Variants in BBS9 observed in about 807,000 individuals in gnomAD.
BBS9 encodes the protein Bardet-Biedl syndrome 9.
Under a neutral mutation model 117.7 loss-of-function variants are expected in BBS9, and 89 were observed. That is an observed-to-expected ratio of 0.76 (90% confidence interval 0.64 to 0.90). BBS9 has a LOEUF of 0.90. BBS9 is among the 40% of genes least tolerant of loss of function. The probability of loss-of-function intolerance (pLI) is 0.00; values close to 1 mark genes in which losing one functional copy is unlikely to be tolerated. For missense variants in BBS9, 982 were observed against 1,042.2 expected, an observed-to-expected ratio of 0.94 and a Z score of 0.80; for synonymous variants, 379 against 370.9, an observed-to-expected ratio of 1.02 and a Z score of -0.25.
chr7:33,152,929 A>G, intron 3 of BBS9, 78 bp downstream of exon 3: 1 of 1,453,600 alleles, frequency 6.9e-7, no homozygotes, highest in Non-Finnish European at 9.6e-7. Flanking sequence ...GTATTCTTCA[A>G]AGAAGACTAT....
chr7:33,323,556 C>T (rs1184545383), intron 9 of BBS9, among the ~76,000 whole-genome samples: 1 of 151,800 alleles, frequency 6.6e-6, no homozygotes, highest in African/African-American at 2.4e-5. Flanking sequence ...AGTATAGCTA[C>T]TCTTTGTCTT....
At chr7:33,147,052 A>G (rs1194076811) in intron 2 of BBS9, among the ~76,000 whole-genome samples, 1 of 152,208 alleles carries the variant, frequency 6.6e-6, no homozygotes, top group Non-Finnish European at 1.5e-5. Context: ...AACCATTCAT[A>G]CCATAATGAA....
intron 10 of BBS9, among the ~76,000 whole-genome samples, chr7:33,340,369 A>G (rs1366242972): frequency 1.3e-5 from 2 of 152,160 alleles, no homozygotes; most frequent in Non-Finnish European, 2.9e-5. Context: ...CTTATTTATG[A>G]CTTTGGGACA....
At chr7:33,306,918 A>C (rs1305189874) in intron 9 of BBS9, among the ~76,000 whole-genome samples, 2 of 152,162 alleles carry the variant, frequency 1.3e-5, no homozygotes, top group African/African-American at 4.8e-5. Flanking sequence ...AAATAATTGA[A>C]GTAACACATT....
At chr7:33,390,720 C>T (rs532911804) in intron 19 of BBS9, 74 of 587,222 alleles carry the variant, frequency 1.3e-4, no homozygotes, top group Non-Finnish European at 1.5e-4. Flanking sequence ...TAACATTATA[C>T]GTAATGCTAA....
intron 5 of BBS9, among the ~76,000 whole-genome samples, chr7:33,248,744 T>TC (rs1795767205): frequency 2.0e-5 from 3 of 152,186 alleles, no homozygotes; most frequent in African/African-American, 4.8e-5. Context: ...AAATTTTTTT[T>TC]CCGTGCATGC....
chr7:33,153,943 A>G (rs1384783421), intron 3 of BBS9, among the ~76,000 whole-genome samples: 1 of 152,216 alleles, frequency 6.6e-6, no homozygotes, highest in Non-Finnish European at 1.5e-5. Context: ...CTTCCTGCTA[A>G]AAAGTGTTTT....
chr7:33,149,897 A>G (rs1793032178), intron 2 of BBS9, among the ~76,000 whole-genome samples: 1 of 152,224 alleles, frequency 6.6e-6, no homozygotes, highest in African/African-American at 2.4e-5. Flanking sequence ...AGATAGGGCT[A>G]TATTGACCTA....
chr7:33,356,724 C>T (rs912419293), intron 15 of BBS9, among the ~76,000 whole-genome samples: 1 of 151,810 alleles, frequency 6.6e-6, no homozygotes, highest in African/African-American at 2.4e-5. Flanking sequence ...GTAAGACATA[C>T]AATTCCAATT....
Position 33,485,308 on chromosome 7 carries a change from GT to G in BBS9, c.2116-20136del, listed in dbSNP as rs371550940. On this transcript the variant is annotated intron_variant, in intron 19 of 22. Transcript: ENST00000242067. ...ATGTACCCTGGAACTTAACATAAAAGTTTTTTTTTTTTTTTTTTTGAGATGG... is the reference window on the plus strand; with the variant it reads ...ATGTACCCTGGAACTTAACATAAAAGTTTTTTTTTTTTTTTTTTGAGATGG... Among the ~76,000 whole-genome samples, 412 of 127,142 alleles carry G rather than the reference GT, an allele frequency of 3.2e-3. 2 individuals carry two copies. Among genetic ancestry groups the G allele is most frequent in the African/African-American group, 8.1e-3 (282 of 34,868 alleles). 83.4% of individuals were successfully genotyped at this position (127,142 alleles called of 152,430 possible).
intron 9 of BBS9, among the ~76,000 whole-genome samples, chr7:33,317,135 G>C (rs6951724): frequency 0.13 from 19,005 of 151,918 alleles, 1,481 homozygotes; most frequent in African/African-American, 0.21. Flanking sequence ...GAATTACTTT[G>C]GCATCTTTGT....
At chr7:33,522,122 A>G (rs1248839772) in intron 20 of BBS9, among the ~76,000 whole-genome samples, 1 of 151,864 alleles carries the variant, frequency 6.6e-6, no homozygotes, top group Non-Finnish European at 1.5e-5. Context: ...TATATGTGCC[A>G]CATTTTCTTA....
chr7:33,194,608 A>G (rs1021815777), intron 5 of BBS9, among the ~76,000 whole-genome samples: 1 of 152,192 alleles, frequency 6.6e-6, no homozygotes, highest in South Asian at 2.1e-4. Flanking sequence ...AGTTGTTTGA[A>G]TAATTCTGGT....
intron 21 of BBS9, among the ~76,000 whole-genome samples, chr7:33,590,467 T>TTTTTGTTTTTTTTTG (rs1554551756): frequency 0.12 from 9,221 of 78,920 alleles, 570 homozygotes; most frequent in African/African-American, 0.4. Context: ...TTGTTTTTTT[T>TTTTTGTTTTTTTTTG]TTTTTTTTTT....
At chr7:33,476,937 A>G (rs1841885773) in intron 19 of BBS9, among the ~76,000 whole-genome samples, 1 of 152,182 alleles carries the variant, frequency 6.6e-6, no homozygotes, top group South Asian at 2.1e-4. Flanking sequence ...TGATTCCTAT[A>G]AACATAAAAA....
chr7:33,210,714 T>A (rs1243631605), intron 5 of BBS9, among the ~76,000 whole-genome samples: 1 of 152,176 alleles, frequency 6.6e-6, no homozygotes. Flanking sequence ...ATTTTTTGTA[T>A]TTTTAGTAGA....
intron 19 of BBS9, among the ~76,000 whole-genome samples, chr7:33,402,962 T>C (rs1829182355): frequency 1.3e-5 from 2 of 152,100 alleles, no homozygotes; most frequent in Admixed American, 6.6e-5. Flanking sequence ...GGTTTTCTGT[T>C]TGTGTGAGTT....
At chr7:33,429,271 T>G (rs893145405) in intron 19 of BBS9, among the ~76,000 whole-genome samples, 1 of 152,240 alleles carries the variant, frequency 6.6e-6, no homozygotes, top group African/African-American at 2.4e-5. Context: ...TTGCGTAGCT[T>G]TTGCCTTGAA....
At chr7:33,293,505 T>C (rs1284659164) in intron 9 of BBS9, among the ~76,000 whole-genome samples, 1 of 152,108 alleles carries the variant, frequency 6.6e-6, no homozygotes, top group Non-Finnish European at 1.5e-5. Flanking sequence ...AATGCAGACT[T>C]GTATTGTTTC....
Sources: allele counts gnomAD v4.1 joint callset (sites outside exome capture counted in the v4.1 genomes callset), GRCh38; gene constraint gnomAD v4.1.1; transcripts MANE v1.5; gene names NCBI Gene and HGNC (gene_info 2026-07-23, HGNC 2026-07-21).